The following SULF1 variants were observed in gnomAD, a reference collection of about 807,000 sequenced individuals.
SULF1 encodes the protein sulfatase 1, also known as extracellular sulfatase Sulf-1.
SULF1 carries 46 observed loss-of-function variants against 110.5 expected under a neutral mutation model. That is an observed-to-expected ratio of 0.42 (90% CI 0.33 to 0.53). The LOEUF (loss-of-function observed/expected upper bound fraction) is 0.53, where lower values mean the gene tolerates loss of function less well. SULF1 is among the 20% of genes least tolerant of loss of function. The pLI, the probability that SULF1 is intolerant of heterozygous loss-of-function variation, is 0.12. For missense variants in SULF1, 941 were observed against 1,094.2 expected (o/e 0.86, Z 1.98); for synonymous variants, 371 against 387.1 (o/e 0.96, Z 0.49).
chr8:69,556,082 G>A (rs1463059528), intron 3 of SULF1, among the ~76,000 whole-genome samples: 33 of 152,156 alleles, frequency 2.2e-4, no homozygotes, highest in Non-Finnish European at 1.5e-5. Flanking sequence ...CTTGAGATAT[G>A]TGTCTGTGTG....
chr8:69,586,557 G>T, intron 7 of SULF1, 49 bp downstream of exon 7: 2 of 1,574,772 alleles, frequency 1.3e-6, no homozygotes. Flanking sequence ...TGTGCATAAT[G>T]GGGAAAAGCC....
At chr8:69,560,339 C>CTTTTTTTT (rs5892203) in intron 3 of SULF1, among the ~76,000 whole-genome samples, 1 of 149,080 alleles carries the variant, frequency 6.7e-6, no homozygotes. Flanking sequence ...TCCTGCCAGT[C>CTTTTTTTT]TTTTTTTTTT....
rs74824040 is a variant in SULF1 at position 69,516,571 on chromosome 8, G to T, written c.-134+14603G>T. ...ATATCATACCTCTTGGATGAGAATT[G>T]CACCTTTCATTTAAGTTTTGTCAGG... On this transcript the variant is annotated intron_variant, in intron 3 of 22. Transcript: ENST00000402687. Among the ~76,000 whole-genome samples the T allele has an allele frequency of 8.9e-3, 1,354 of 152,254 alleles. 34 individuals are homozygous for T. Among genetic ancestry groups the T allele is most frequent in the African/African-American group, 0.029 (1,217 of 41,556 alleles).
At chr8:69,543,118 CTATT>C (rs1813974886) in intron 3 of SULF1, among the ~76,000 whole-genome samples, 1 of 152,058 alleles carries the variant, frequency 6.6e-6, no homozygotes, top group African/African-American at 2.4e-5. Flanking sequence ...TCAAATCAGA[CTATT>C]TGTTTTTTTA....
rs536073966 is a variant in SULF1 at position 69,649,972 on chromosome 8, CTTTTTTTTTTTTTTTTTTTTTTTTTT to C, written c.2586-8521_2586-8496del. Among the ~76,000 whole-genome samples, 4 of 30,568 alleles carry C rather than the reference CTTTTTTTTTTTTTTTTTTTTTTTTTT, an allele frequency of 1.3e-4. No homozygotes were observed. In the Admixed American group the frequency reaches 1.9e-3, roughly 15 times the overall value. 20.1% of individuals were successfully genotyped at this position (30,568 alleles called of 152,430 possible). A position where few individuals can be genotyped will look rare whatever the true frequency, so the allele number is the denominator to read the frequency against. ...CCCACTCTGTAATTCCTCCTGCTTG[CTTTTTTTTTTTTTTTTTTTTTTTTTT>C]TTTTTTTTTTTGTCTGAGACACGGT... On this transcript the variant is annotated intron_variant, in intron 22 of 22. Transcript: ENST00000402687.
chr8:69,478,635 C>A (rs563846875), intron 1 of SULF1, among the ~76,000 whole-genome samples: 2 of 152,300 alleles, frequency 1.3e-5, no homozygotes, highest in Admixed American at 6.5e-5. Context: ...CTTTCTTTTC[C>A]TAACTCTTCC....
upstream of SULF1, among the ~76,000 whole-genome samples, chr8:69,491,746 C>T (rs1021556571): frequency 9.2e-5 from 14 of 152,358 alleles, no homozygotes; most frequent in Non-Finnish European, 1.5e-4. Flanking sequence ...CTGTCAGTTT[C>T]ATTCAGTGAA....
intron 8 of SULF1, among the ~76,000 whole-genome samples, chr8:69,597,955 A>G (rs1807473054): frequency 1.3e-5 from 2 of 151,898 alleles, no homozygotes; most frequent in Admixed American, 1.3e-4. Flanking sequence ...TTTTGAGGGG[A>G]TTTAGTAGCC....
At chr8:69,500,700 A>G (rs936571786) in intron 2 of SULF1, among the ~76,000 whole-genome samples, 4 of 151,980 alleles carry the variant, frequency 2.6e-5, no homozygotes, top group African/African-American at 9.7e-5. Flanking sequence ...TTCTTCTAGA[A>G]CTCCCCAACC....
In SULF1 at chr8:69,589,062, A is replaced by G; in HGVS notation, c.655A>G (p.Ile219Val). ...MYPHRPVMMV[I>V]SHAAPHGPED... is the part of the protein sequence containing the mutation. ...TCCCCATAGGCCCGTTATGATGGTG[A>G]TCAGCCACGCTGCGCCCCACGGCCC... is the stretch of plus-strand genomic sequence containing the variant. The change falls in exon 8 of 23, where the codon ATC becomes GTC. Residue 219 changes from isoleucine (I) to valine (V), a missense_variant. Transcript: ENST00000402687. 1 of 1,614,224 alleles carries G rather than the reference A, an allele frequency of 6.2e-7. No individual in the cohort carries two copies. The highest frequency in any genetic ancestry group is 8.5e-7 in the Non-Finnish European group (1 of 1,180,018).
At chr8:69,603,560 G>T in intron 11 of SULF1, 40 bp from the exon 12 acceptor site, 1 of 1,556,926 alleles carries the variant, frequency 6.4e-7, no homozygotes, top group Non-Finnish European at 8.9e-7. Flanking sequence ...TTGGAAAAAC[G>T]TCCAGATGCC....
At chr8:69,605,603 T>G (rs1808169476) in intron 13 of SULF1, among the ~76,000 whole-genome samples, 1 of 152,154 alleles carries the variant, frequency 6.6e-6, no homozygotes, top group African/African-American at 2.4e-5. Context: ...TTAAAGAAAG[T>G]GAGTACGTAT....
Position 69,658,546 on chromosome 8 carries a change from C to T in SULF1, c.*11C>T, listed in dbSNP as rs774013766. 2.4e-5 allele frequency: 39 copies of T among 1,610,416 alleles called. No individual in the cohort carries two copies. Among genetic ancestry groups the T allele is most frequent in the Non-Finnish European group, 3.3e-5 (39 of 1,177,068 alleles). ...GGATGGGAAGGTTAATCAGCCCCGT[C>T]TCACTGCAGACATCAACTGGCAAGG... is the stretch of plus-strand genomic sequence containing the variant. On this transcript the variant is annotated 3_prime_UTR_variant, in exon 23 of 23. Coordinates refer to ENST00000402687, the MANE Select transcript of SULF1 (RefSeq NM_001128205.2).
intron 18 of SULF1, 115 bp from the exon 19 acceptor site, chr8:69,629,389 C>T (rs1810346104): frequency 9.1e-7 from 1 of 1,094,832 alleles, no homozygotes; most frequent in Non-Finnish European, 1.3e-6. Flanking sequence ...TGAAGGTCGT[C>T]CATTATCTCT....
At chr8:69,578,078 C>T (rs1464307267) in intron 6 of SULF1, among the ~76,000 whole-genome samples, 1 of 151,840 alleles carries the variant, frequency 6.6e-6, no homozygotes, top group Admixed American at 6.6e-5. Context: ...ACTAAGCATC[C>T]AGATGTTAAG....
At chr8:69,590,675 A>G (rs1405206842) in intron 8 of SULF1, among the ~76,000 whole-genome samples, 1 of 152,194 alleles carries the variant, frequency 6.6e-6, no homozygotes, top group Non-Finnish European at 1.5e-5. Context: ...GTTTTAATGC[A>G]TAAAATATCA....
chr8:69,551,454 G>T (rs537317764), intron 3 of SULF1, among the ~76,000 whole-genome samples: 1 of 152,304 alleles, frequency 6.6e-6, no homozygotes, highest in African/African-American at 2.4e-5. Flanking sequence ...CTTGTTGAAG[G>T]AGGTGAAGGC....
At chr8:69,545,696 T>C (rs369736265) in intron 3 of SULF1, among the ~76,000 whole-genome samples, 21 of 152,292 alleles carry the variant, frequency 1.4e-4, no homozygotes, top group African/African-American at 5.1e-4. Context: ...TTGGTTTGTT[T>C]GTTTTTGTTT....
intron 13 of SULF1, among the ~76,000 whole-genome samples, chr8:69,616,564 G>A (rs913784180): frequency 1.3e-5 from 2 of 151,924 alleles, no homozygotes; most frequent in African/African-American, 4.8e-5. Flanking sequence ...ACCATGCCCA[G>A]CTAATTTTTG....
Sources: allele counts gnomAD v4.1 joint callset (sites outside exome capture counted in the v4.1 genomes callset), GRCh38; gene constraint gnomAD v4.1.1; transcripts MANE v1.5; gene names NCBI Gene and HGNC (gene_info 2026-07-23, HGNC 2026-07-21).